The following IMMP2L variants were observed in gnomAD, a reference collection of about 807,000 sequenced individuals.
IMMP2L encodes the protein inner mitochondrial membrane peptidase subunit 2.
IMMP2L carries 18 observed loss-of-function variants against 19.3 expected under a neutral mutation model. The ratio of observed to expected loss-of-function variants is 0.93; its 90% confidence interval spans 0.64 to 1.38. The LOEUF (loss-of-function observed/expected upper bound fraction) is 1.38. IMMP2L is among the 40% of genes most tolerant of loss of function. The pLI, the probability that IMMP2L is intolerant of heterozygous loss-of-function variation, is 0.00. For missense variants in IMMP2L, 233 were observed against 218.2 expected (o/e 1.07, Z -0.43); for synonymous variants, 76 against 73.0 (o/e 1.04, Z -0.21).
intron 3 of IMMP2L, among the ~76,000 whole-genome samples, chr7:111,241,902 G>A (rs1001649727): frequency 4.0e-5 from 6 of 151,728 alleles, no homozygotes; most frequent in African/African-American, 1.5e-4. Flanking sequence ...GTATTGCTAC[G>A]GTATTTGCAG....
intron 3 of IMMP2L, among the ~76,000 whole-genome samples, chr7:111,355,891 G>C (rs1055904980): frequency 2.0e-5 from 3 of 151,750 alleles, no homozygotes; most frequent in Non-Finnish European, 2.9e-5. Context: ...ACATGTATCT[G>C]AAAATACAAA....
intron 5 of IMMP2L, among the ~76,000 whole-genome samples, chr7:110,825,664 T>A (rs1007145987): frequency 3.3e-5 from 5 of 152,132 alleles, no homozygotes; most frequent in African/African-American, 7.2e-5. Flanking sequence ...ATCCCTTCCT[T>A]ACACCTTATA....
intron 1 of IMMP2L, among the ~76,000 whole-genome samples, chr7:111,530,901 G>A (rs1046895407): frequency 2.0e-5 from 3 of 151,872 alleles, no homozygotes; most frequent in Admixed American, 2.0e-4. Flanking sequence ...AAGAATGCTG[G>A]CCAGATCAGC....
chr7:111,019,891 T>G (rs1826099378), intron 3 of IMMP2L, among the ~76,000 whole-genome samples: 1 of 152,104 alleles, frequency 6.6e-6, no homozygotes, highest in Non-Finnish European at 1.5e-5. Context: ...TTTCCATTTT[T>G]CTGGAATACA....
chr7:111,076,348 T>C (rs1320840437), intron 3 of IMMP2L, among the ~76,000 whole-genome samples: 1 of 152,238 alleles, frequency 6.6e-6, no homozygotes, highest in East Asian at 1.9e-4. Flanking sequence ...TGAGTACTAC[T>C]TGCACTGCTG....
chr7:111,288,985 A>T lies in IMMP2L; in HGVS notation c.239+198253T>A, dbSNP rs1374364274. On this transcript the variant is annotated intron_variant, in intron 3 of 5. Coordinates refer to ENST00000405709, the MANE Select transcript of IMMP2L (RefSeq NM_032549.4). ...CAGGCACACATATGTTTATTGCGGC[A>T]CTGTTGACAATAGCAAAGACTTGGA... 1.3e-5 allele frequency among the ~76,000 whole-genome samples: 2 copies of T among 152,214 alleles called. 1 individual carries two copies. Among genetic ancestry groups the T allele is most frequent in the Non-Finnish European group, 2.9e-5 (2 of 68,044 alleles).
At chr7:110,665,810 T>C (rs1234133764) in intron 5 of IMMP2L, among the ~76,000 whole-genome samples, 1 of 152,228 alleles carries the variant, frequency 6.6e-6, no homozygotes, top group Non-Finnish European at 1.5e-5. Context: ...CTGTAATTAA[T>C]AACTGTGAGA....
chr7:111,529,640 T>C (rs1328803705), intron 1 of IMMP2L, among the ~76,000 whole-genome samples: 2 of 152,146 alleles, frequency 1.3e-5, no homozygotes, highest in Non-Finnish European at 2.9e-5. Context: ...AATGTAATTA[T>C]GTAAGGCATA....
At chr7:111,260,886 G>T (rs184260267) in intron 3 of IMMP2L, among the ~76,000 whole-genome samples, 8 of 152,090 alleles carry the variant, frequency 5.3e-5, no homozygotes, top group African/African-American at 1.9e-4. Flanking sequence ...TAAATCAGTA[G>T]ATAAATGATA....
At chr7:110,915,364 G>A (rs1297919712) in intron 4 of IMMP2L, among the ~76,000 whole-genome samples, 1 of 140,000 alleles carries the variant, frequency 7.1e-6, no homozygotes, top group Non-Finnish European at 1.5e-5. Flanking sequence ...GCCTGACACA[G>A]AAAGACAAAT....
intron 3 of IMMP2L, among the ~76,000 whole-genome samples, chr7:111,194,467 A>G (rs1305091558): frequency 6.6e-6 from 1 of 152,198 alleles, no homozygotes; most frequent in East Asian, 1.9e-4. Context: ...TGTTTATAAC[A>G]TTTGTAATTT....
chr7:111,054,366 T>C (rs1197377574), intron 3 of IMMP2L, among the ~76,000 whole-genome samples: 1 of 152,150 alleles, frequency 6.6e-6, no homozygotes, highest in African/African-American at 2.4e-5. Flanking sequence ...GAAGAAACTA[T>C]CAAAGGGACA....
chr7:110,829,962 T>C (rs185572228), intron 5 of IMMP2L, among the ~76,000 whole-genome samples: 4 of 152,232 alleles, frequency 2.6e-5, no homozygotes, highest in Non-Finnish European at 2.9e-5. Context: ...ATATTATGCA[T>C]TGATAAATTA....
At chr7:110,743,172 T>G (rs1381177184) in intron 5 of IMMP2L, among the ~76,000 whole-genome samples, 1 of 152,188 alleles carries the variant, frequency 6.6e-6, no homozygotes, top group East Asian at 1.9e-4. Context: ...TTAAATAGTT[T>G]TATAGGTCTA....
chr7:111,210,537 A>G (rs996522708), intron 3 of IMMP2L, among the ~76,000 whole-genome samples: 8 of 152,112 alleles, frequency 5.3e-5, no homozygotes, highest in African/African-American at 1.4e-4. Flanking sequence ...TCTCACTACC[A>G]TTGGAAAGAA....
chr7:111,349,084 A>C (rs1827873389), intron 3 of IMMP2L, among the ~76,000 whole-genome samples: 1 of 152,128 alleles, frequency 6.6e-6, no homozygotes, highest in Non-Finnish European at 1.5e-5. Flanking sequence ...TGAAATTTTA[A>C]TTGTTTGCCA....
intron 1 of IMMP2L, among the ~76,000 whole-genome samples, chr7:111,539,271 A>AG (rs1554542904): frequency 6.9e-6 from 1 of 144,968 alleles, no homozygotes; most frequent in Non-Finnish European, 1.5e-5. Context: ...AGAAAGAAAG[A>AG]GAACATACGT....
chr7:111,219,397 T>A (rs1812286925), intron 3 of IMMP2L, among the ~76,000 whole-genome samples: 1 of 152,030 alleles, frequency 6.6e-6, no homozygotes, highest in African/African-American at 2.4e-5. Context: ...AAATAAGGCC[T>A]AGGACCCTAA....
At chr7:110,677,344 G>A (rs1461520413) in intron 5 of IMMP2L, among the ~76,000 whole-genome samples, 2 of 152,068 alleles carry the variant, frequency 1.3e-5, no homozygotes, top group Non-Finnish European at 2.9e-5. Flanking sequence ...AAAGATTAAA[G>A]CATATAAATG....
Sources: gnomAD v4.1 joint callset for allele counts (sites outside exome capture counted in the v4.1 genomes callset) on GRCh38, gnomAD v4.1.1 for gene constraint, MANE v1.5 for transcripts, NCBI Gene and HGNC (gene_info 2026-07-23, HGNC 2026-07-21) for gene names.